Variants in GRAMD2B observed in about 807,000 individuals in gnomAD.
The protein encoded by GRAMD2B is GRAM domain-containing protein 2B.
GRAMD2B carries 41 observed loss-of-function variants against 59.2 expected under a neutral mutation model. The observed-to-expected ratio is 0.69, with a 90% CI of 0.54 to 0.90. The LOEUF (loss-of-function observed/expected upper bound fraction) is 0.90. GRAMD2B is among the 40% of genes least tolerant of loss of function. The pLI is 0.00. For synonymous variants in GRAMD2B, 161 were observed against 182.7 expected (o/e 0.88, Z 0.96); for missense variants, 424 against 500.5 (o/e 0.85, Z 1.46).
chr5:126,458,627 G>A (rs1431047442), intron 1 of GRAMD2B, among the ~76,000 whole-genome samples: 1 of 152,098 alleles, frequency 6.6e-6, no homozygotes, highest in Non-Finnish European at 1.5e-5. Flanking sequence ...TATATAACTA[G>A]CTGCCACGGT....
rs140481715 is a variant in GRAMD2B at position 126,402,774 on chromosome 5, T to TATGTAATATACATA, written c.125+31219_125+31220insTAATGTAATATACA. Reference sequence around the variant, plus strand: ...GTGTTGAATTACAGGCCAAGGATATTATGTAATATACAGCATATGTGTCAT... The same window carrying TATGTAATATACATA: ...GTGTTGAATTACAGGCCAAGGATATTATGTAATATACATAATGTAATATACAGCATATGTGTCAT... On this transcript the variant is annotated intron_variant, in intron 1 of 8. Coordinates refer to the GRAMD2B transcript ENST00000506445. 9.3e-4 allele frequency among the ~76,000 whole-genome samples: 141 copies of TATGTAATATACATA among 152,192 alleles called. 1 individual carries two copies. Among genetic ancestry groups the TATGTAATATACATA allele is most frequent in the African/African-American group, 2.6e-3 (110 of 41,554 alleles).
chr5:126,395,664 G>A (rs932002292), intron 1 of GRAMD2B, among the ~76,000 whole-genome samples: 9 of 152,146 alleles, frequency 5.9e-5, no homozygotes, highest in Non-Finnish European at 1.2e-4. Flanking sequence ...AATGCCAGAA[G>A]TTTAAAAGAG....
At chr5:126,466,174 A>G in intron 2 of GRAMD2B, 1 of 1,473,556 alleles carries the variant, frequency 6.8e-7, no homozygotes. Flanking sequence ...TAAACTGAGT[A>G]CAGAAATCAT....
rs1239577960 is a variant in GRAMD2B, at chr5:126,480,380, G to A, written c.583-76G>A. 1.1e-5 allele frequency: 11 copies of A among 1,027,530 alleles called. No homozygotes were observed. In the East Asian group the frequency reaches 2.6e-4, roughly 25 times the overall value. The allele number at this position is 1,027,530 out of a possible 1,614,324, so 63.7% of individuals were successfully genotyped here. On this transcript the variant is annotated intron_variant, in intron 6 of 13. Coordinates refer to ENST00000285689, the MANE Select transcript of GRAMD2B (RefSeq NM_023927.4). ...TTTGAAAATGCAAAAGCTGTATACA[G>A]ATACTTTTCTGAACTCTCAACTCTC...
chr5:126,458,561 T>C (rs1272336722), intron 1 of GRAMD2B, among the ~76,000 whole-genome samples: 2 of 152,154 alleles, frequency 1.3e-5, no homozygotes, highest in African/African-American at 4.8e-5. Flanking sequence ...ACTACCATAT[T>C]CAAAATGGAA....
intron 1 of GRAMD2B, among the ~76,000 whole-genome samples, chr5:126,386,873 G>A (rs887963715): frequency 7.9e-5 from 12 of 152,072 alleles, no homozygotes; most frequent in African/African-American, 2.4e-4. Flanking sequence ...CTACAACATA[G>A]GTGAATTGTC....
At chr5:126,404,608 G>A (rs1412420078) in intron 1 of GRAMD2B, among the ~76,000 whole-genome samples, 2 of 151,838 alleles carry the variant, frequency 1.3e-5, no homozygotes, top group Non-Finnish European at 2.9e-5. Context: ...TTATGACAGG[G>A]GAGTCTTGGA....
chr5:126,369,283 TG>T (rs1252547119), upstream of GRAMD2B, among the ~76,000 whole-genome samples: 1 of 74,166 alleles, frequency 1.3e-5, no homozygotes, highest in African/African-American at 4.0e-5. Context: ...AATGAATGAA[TG>T]AATGAATGAA....
chr5:126,461,507 G>T (rs1451420732), intron 1 of GRAMD2B, among the ~76,000 whole-genome samples: 2 of 152,156 alleles, frequency 1.3e-5, no homozygotes, highest in Non-Finnish European at 2.9e-5. Context: ...TAATAAAAAT[G>T]CTGTTCCCTG....
intron 1 of GRAMD2B, among the ~76,000 whole-genome samples, chr5:126,382,511 T>G (rs941038696): frequency 3.3e-5 from 5 of 152,216 alleles, no homozygotes; most frequent in Non-Finnish European, 5.9e-5. Flanking sequence ...TTTGCGTTTC[T>G]CTAAGTGTGT....
intron 1 of GRAMD2B, among the ~76,000 whole-genome samples, chr5:126,451,229 A>C (rs959650512): frequency 6.6e-6 from 1 of 152,238 alleles, no homozygotes; most frequent in Non-Finnish European, 1.5e-5. Flanking sequence ...CCAGCCTCCA[A>C]AACCATGAGA....
chr5:126,406,542 G>A (rs1360042556), intron 1 of GRAMD2B, among the ~76,000 whole-genome samples: 1 of 151,556 alleles, frequency 6.6e-6, no homozygotes, highest in Non-Finnish European at 1.5e-5. Flanking sequence ...ACAGCCCCAA[G>A]GCAATCCCTA....
chr5:126,478,079 C>T (rs1234783792), intron 6 of GRAMD2B, among the ~76,000 whole-genome samples: 2 of 148,126 alleles, frequency 1.4e-5, no homozygotes, highest in Non-Finnish European at 3.0e-5. Flanking sequence ...AATTCTTTCT[C>T]AACTTCTGCT....
At chr5:126,400,833 C>T (rs1279773749) in intron 1 of GRAMD2B, among the ~76,000 whole-genome samples, 4 of 152,008 alleles carry the variant, frequency 2.6e-5, no homozygotes, top group Non-Finnish European at 5.9e-5. Flanking sequence ...ATATACATTC[C>T]CTTGTATGTG....
chr5:126,477,420 A>G (rs1015748597), intron 5 of GRAMD2B, among the ~76,000 whole-genome samples: 1 of 152,154 alleles, frequency 6.6e-6, no homozygotes, highest in African/African-American at 2.4e-5. Context: ...TTTGCATTCT[A>G]TTTCCATGTC....
chr5:126,434,508 T>TTTTTTA (rs369898125), intron 1 of GRAMD2B, among the ~76,000 whole-genome samples: 10,025 of 151,398 alleles, frequency 0.066, 1,121 homozygotes, highest in African/African-American at 0.23. Flanking sequence ...AATTATCCTT[T>TTTTTTA]TTTTTATTTT....
At chr5:126,404,172 G>C (rs1418957652) in intron 1 of GRAMD2B, among the ~76,000 whole-genome samples, 1 of 151,802 alleles carries the variant, frequency 6.6e-6, no homozygotes, top group Non-Finnish European at 1.5e-5. Flanking sequence ...GGAAATCCCA[G>C]GATTGTACAG....
chr5:126,370,469 G>A (rs1421869143), upstream of GRAMD2B, among the ~76,000 whole-genome samples: 2 of 152,204 alleles, frequency 1.3e-5, no homozygotes, highest in Non-Finnish European at 2.9e-5. Context: ...AGCTACTGTG[G>A]AACAAATCTT....
chr5:126,394,634 A>G (rs1757197488), intron 1 of GRAMD2B, among the ~76,000 whole-genome samples: 2 of 152,048 alleles, frequency 1.3e-5, no homozygotes, highest in Admixed American at 1.3e-4. Context: ...ATTCCATCCA[A>G]TCTTTACTCT....
Sources: gnomAD v4.1 joint callset for allele counts (sites outside exome capture counted in the v4.1 genomes callset) on GRCh38, gnomAD v4.1.1 for gene constraint, MANE v1.5 for transcripts, NCBI Gene and HGNC (gene_info 2026-07-23, HGNC 2026-07-21) for gene names.